Variants in CUX1 observed in about 807,000 individuals in gnomAD.
CUX1 encodes protein CASP.
Under a neutral mutation model 158.8 loss-of-function variants are expected in CUX1, and 31 were observed. The ratio of observed to expected loss-of-function variants is 0.20; its 90% CI spans 0.15 to 0.26. The LOEUF (loss-of-function observed/expected upper bound fraction) is 0.26, where lower values mean the gene tolerates loss of function less well. Ranked by LOEUF, CUX1 falls within the 10% of genes least tolerant of loss-of-function variation. The pLI is 1.00. For synonymous variants in CUX1, 879 were observed against 862.1 expected (o/e 1.02, Z -0.34); for missense variants, 1,589 against 2,014.6 (o/e 0.79, Z 4.04).
intron 4 of CUX1, among the ~76,000 whole-genome samples, chr7:102,087,741 G>C (rs552590389): frequency 6.6e-6 from 1 of 151,916 alleles, no homozygotes; most frequent in Non-Finnish European, 1.5e-5. Context: ...ATACTACAAC[G>C]CTATAATACA....
chr7:102,095,949 G>A (rs564153448), intron 4 of CUX1, among the ~76,000 whole-genome samples: 6 of 152,372 alleles, frequency 3.9e-5, no homozygotes, highest in South Asian at 4.1e-4. Context: ...ACATTGATGC[G>A]GAAGAACATT....
rs139807773 is a variant in CUX1, at chr7:101,896,767, G to T, written c.31-19348G>T. 3.5e-4 allele frequency among the ~76,000 whole-genome samples: 53 copies of T among 152,360 alleles called. 1 individual carries two copies. In the East Asian group the frequency reaches 0.01, roughly 29 times the overall value. Reference sequence around the variant, plus strand: ...TAAAAATAAATGTTTGTGCTGAAATGTGGAGCCTGTCTGTCCCTAACAAAC... The same window carrying T: ...TAAAAATAAATGTTTGTGCTGAAATTTGGAGCCTGTCTGTCCCTAACAAAC... On this transcript the variant is annotated intron_variant, in intron 1 of 23. Transcript: ENST00000292535.
intron 8 of CUX1, among the ~76,000 whole-genome samples, chr7:102,115,981 G>T (rs1831396382): frequency 6.6e-6 from 1 of 152,120 alleles, no homozygotes; most frequent in Non-Finnish European, 1.5e-5. Flanking sequence ...TTCCTGTTCT[G>T]GAAGGCTCTT....
At chr7:102,005,672 T>C (rs540530587) in intron 2 of CUX1, among the ~76,000 whole-genome samples, 1 of 152,246 alleles carries the variant, frequency 6.6e-6, no homozygotes, top group Admixed American at 6.5e-5. Context: ...GACTGCGTGA[T>C]TCCCAAAGCT....
At chr7:102,151,372 A>G (rs1280522906) in intron 8 of CUX1, among the ~76,000 whole-genome samples, 9 of 151,996 alleles carry the variant, frequency 5.9e-5, no homozygotes, top group African/African-American at 1.9e-4. Context: ...GGCCAACACG[A>G]TAAAACCCCG....
rs7799462 is a variant in CUX1, at chr7:102,079,883, C to T, written c.268+9466C>T. ...CCCTAAGCTGGTCCTGAAACAGCCT[C>T]GGGGGACGAGGCTGTATGCTCTGTC... On this transcript the variant is annotated intron_variant, in intron 4 of 23. Transcript: ENST00000292535. Among the ~76,000 whole-genome samples, 417 of 152,184 alleles carry T rather than the reference C, an allele frequency of 2.7e-3. 2 individuals carry two copies. The highest frequency in any genetic ancestry group is 9.8e-3 in the African/African-American group (409 of 41,526).
In CUX1 at chr7:102,122,612, C is replaced by G. The variant is rs1191947221; in HGVS notation, c.674+7339C>G. Among the ~76,000 whole-genome samples the G allele has an allele frequency of 2.6e-5, 4 of 152,210 alleles. No homozygotes were observed. In the East Asian group the frequency reaches 7.7e-4, roughly 29 times the overall value. On this transcript the variant is annotated intron_variant, in intron 8 of 23. Coordinates refer to ENST00000292535, the MANE Select transcript of CUX1 (RefSeq NM_181552.4). ...GTGTCTCCCCAGGTTGGGGGCTAGA[C>G]AAAAACAAGGGGGTGGCTTCATAGT...
chr7:101,924,710 C>T (rs1278036165), intron 2 of CUX1, among the ~76,000 whole-genome samples: 4 of 151,932 alleles, frequency 2.6e-5, no homozygotes, highest in Admixed American at 6.6e-5. Context: ...GGACTACAGG[C>T]GTGCACCACC....
chr7:102,095,552 G>T lies in CUX1; in HGVS notation c.269-1812G>T, dbSNP rs868976020. ...TGCCTTTTGTAAACTCTGCAAAGAC[G>T]CTGGCATCCTAAAGAGTCCCTGGCT... On this transcript the variant is annotated intron_variant, in intron 4 of 23. Coordinates refer to ENST00000292535, the MANE Select transcript of CUX1 (RefSeq NM_181552.4). 1.8e-4 allele frequency among the ~76,000 whole-genome samples: 28 copies of T among 152,196 alleles called. No individual in the cohort carries two copies. In the Middle Eastern group the frequency reaches 0.024, roughly 129 times the overall value.
At chr7:102,221,501 C>G (rs1215082893) in intron 20 of CUX1, among the ~76,000 whole-genome samples, 2 of 152,142 alleles carry the variant, frequency 1.3e-5, no homozygotes, top group Non-Finnish European at 2.9e-5. Context: ...AACAGTAGAT[C>G]GGAAGAACTG....
At chr7:101,823,459 C>T (rs982767790) in intron 1 of CUX1, among the ~76,000 whole-genome samples, 1 of 152,198 alleles carries the variant, frequency 6.6e-6, no homozygotes, top group Non-Finnish European at 1.5e-5. Context: ...ACACGACCCC[C>T]CAGAGTGGAC....
rs1449686174 is a variant in CUX1, at chr7:102,165,519, C to A, written c.724-4927C>A. 2.0e-5 allele frequency among the ~76,000 whole-genome samples: 3 copies of A among 152,000 alleles called. No homozygotes were observed. In the South Asian group the frequency reaches 6.2e-4, roughly 32 times the overall value. On this transcript the variant is annotated intron_variant, in intron 9 of 23. Coordinates refer to ENST00000292535, the MANE Select transcript of CUX1 (RefSeq NM_181552.4). The stretch of plus-strand genomic sequence containing the variant: ...AGCTGGGACTACAGGTGCACACCCC[C>A]ACGCCCAGCTAATTTTTGTATTTTT...
chr7:102,037,646 C>G (rs1821594651), intron 3 of CUX1, among the ~76,000 whole-genome samples: 1 of 148,934 alleles, frequency 6.7e-6, no homozygotes, highest in Non-Finnish European at 1.5e-5. Flanking sequence ...GCCACCACGC[C>G]CGGCCCTGGG....
At position 102,280,732 on chromosome 7, in the gene CUX1, C is replaced by G; in HGVS notation, c.1765-72C>G. The G allele has an allele frequency of 2.0e-6, 3 of 1,521,798 alleles. No homozygotes were observed. In the Admixed American group the frequency reaches 5.2e-5, roughly 26 times the overall value. 94.3% of individuals were successfully genotyped at this position (1,521,798 alleles called of 1,614,324 possible). A position where few individuals can be genotyped will look rare whatever the true frequency, so the allele number is the denominator to read the frequency against. On this transcript the variant is annotated intron_variant, in intron 19 of 22. Coordinates refer to the CUX1 transcript ENST00000292538. ...CAGGGTGTCCTGTGGCTGGCCAGGC[C>G]CTGCTCTCTGCCACAAGCCAGGGCC...
chr7:101,928,746 C>A (rs1805929124), intron 2 of CUX1, among the ~76,000 whole-genome samples: 1 of 150,122 alleles, frequency 6.7e-6, no homozygotes, highest in African/African-American at 2.5e-5. Flanking sequence ...TCTCGGCTCA[C>A]TGCAAGCTCC....
chr7:102,216,778 TCCCACACACACACTCTCCCACACACACC>T lies in CUX1; in HGVS notation c.3131-10577_3131-10550del, dbSNP rs1450364498. Among the ~76,000 whole-genome samples, 16 of 86,880 alleles carry T rather than the reference TCCCACACACACACTCTCCCACACACACC, an allele frequency of 1.8e-4. No individual in the cohort carries two copies. In the East Asian group the frequency reaches 3.1e-3, roughly 17 times the overall value. The allele number at this position is 86,880 out of a possible 152,430, so 57.0% of individuals were successfully genotyped here. On this transcript the variant is annotated intron_variant, in intron 20 of 23. Coordinates refer to ENST00000292535, the MANE Select transcript of CUX1 (RefSeq NM_181552.4). The stretch of plus-strand genomic sequence containing the variant: ...CACACACACTCTTCCACACACACTC[TCCCACACACACACTCTCCCACACACACC>T]CCCACACACACTCTCCCACCACACA...
chr7:101,842,188 GTCT>G (rs1475432828), intron 1 of CUX1, among the ~76,000 whole-genome samples: 8 of 152,034 alleles, frequency 5.3e-5, no homozygotes, highest in East Asian at 1.9e-4. Context: ...AATCTATGAG[GTCT>G]TCTTTTTGGT....
At chr7:102,275,097 C>G (rs1554547379) in intron 16 of CUX1, 2 of 592,460 alleles carry the variant, frequency 3.4e-6, no homozygotes, top group African/African-American at 3.9e-5. Flanking sequence ...CCTTCCCCGA[C>G]CTGCCCAGCA....
chr7:102,160,721 G>T (rs1790338717), intron 9 of CUX1, among the ~76,000 whole-genome samples: 1 of 152,092 alleles, frequency 6.6e-6, no homozygotes. Context: ...CCACCTGTAT[G>T]AAGTATCTAG....
Sources: gnomAD v4.1 joint callset for allele counts (sites outside exome capture counted in the v4.1 genomes callset) on GRCh38, gnomAD v4.1.1 for gene constraint, MANE v1.5 for transcripts, NCBI Gene and HGNC (gene_info 2026-07-23, HGNC 2026-07-21) for gene names.